EGFR: variants seen among roughly 807,000 people sequenced by gnomAD.
EGFR encodes epidermal growth factor receptor.
A neutral mutation model predicts 143.0 loss-of-function variants in EGFR; 58 were observed. The observed-to-expected ratio is 0.41, with a 90% CI of 0.33 to 0.50. The LOEUF (loss-of-function observed/expected upper bound fraction) is 0.50, where lower values mean the gene tolerates loss of function less well. Ranked by LOEUF, EGFR falls within the 20% of genes least tolerant of loss-of-function variation. The pLI is 0.39. For missense variants in EGFR, 1,307 were observed against 1,579.0 expected (o/e 0.83, Z 2.92); for synonymous variants, 613 against 594.4 (o/e 1.03, Z -0.45).
chr7:55,112,179 G>T (rs527872819), intron 1 of EGFR, among the ~76,000 whole-genome samples: 6 of 152,376 alleles, frequency 3.9e-5, no homozygotes, highest in African/African-American at 1.4e-4. Context: ...CAGTTCTGCA[G>T]TCGGCGTCTC....
Position 55,174,833 on chromosome 7 carries a change from TTTGCTGTGTGGGGGTCCATGGC to T in EGFR, c.2283+15_2283+36del, listed in dbSNP as rs746071596. On this transcript the variant is annotated intron_variant, in intron 19 of 27. Coordinates refer to ENST00000275493, the MANE Select transcript of EGFR (RefSeq NM_005228.5). ...GGAAATCCTCGATGTGAGTTTCTGC[TTTGCTGTGTGGGGGTCCATGGC>T]TCTGAACCTCAGGCCCACCTTTTCT... is the stretch of plus-strand genomic sequence containing the variant. 4.7e-5 allele frequency: 75 copies of T among 1,610,834 alleles called. No individual in the cohort carries two copies. Among genetic ancestry groups the T allele is most frequent in the Non-Finnish European group, 6.3e-5 (74 of 1,177,146 alleles).
intron 1 of EGFR, among the ~76,000 whole-genome samples, chr7:55,109,477 A>G (rs534674575): frequency 3.3e-5 from 5 of 152,372 alleles, no homozygotes; most frequent in African/African-American, 9.6e-5. Flanking sequence ...GACCTGCTAC[A>G]AAGCACAAAG....
At chr7:55,077,888 G>A (rs916293924) in intron 1 of EGFR, among the ~76,000 whole-genome samples, 3 of 152,184 alleles carry the variant, frequency 2.0e-5, no homozygotes, top group Admixed American at 6.5e-5. Context: ...CCCTGAGCAG[G>A]AACTGGAGGC....
At chr7:55,157,523 G>A in intron 10 of EGFR, 140 bp from the exon 11 acceptor site, 1 of 765,410 alleles carries the variant, frequency 1.3e-6, no homozygotes, top group Non-Finnish European at 2.3e-6. Flanking sequence ...CAGAGAAGAT[G>A]ATAATGAAAA....
chr7:55,062,548 G>GA (rs1789248995), intron 1 of EGFR, among the ~76,000 whole-genome samples: 2 of 152,116 alleles, frequency 1.3e-5, no homozygotes, highest in Non-Finnish European at 2.9e-5. Flanking sequence ...CATCTGCATG[G>GA]AAAAATGTGC....
At chr7:55,019,415 G>T in intron 1 of EGFR, 50 bp downstream of exon 1, 3 of 1,256,786 alleles carry the variant, frequency 2.4e-6, no homozygotes, top group South Asian at 1.9e-5. Flanking sequence ...TCGCGCCCCG[G>T]ACCCCGCAGC....
At chr7:55,045,767 G>T (rs1788148129) in intron 1 of EGFR, among the ~76,000 whole-genome samples, 1 of 152,180 alleles carries the variant, frequency 6.6e-6, no homozygotes, top group Non-Finnish European at 1.5e-5. Flanking sequence ...CTATTTTATT[G>T]CTGCAGCTGT....
chr7:55,202,453 T>G (rs1787890690), intron 26 of EGFR, 64 bp from the exon 27 acceptor site: 1 of 1,401,284 alleles, frequency 7.1e-7, no homozygotes, highest in Admixed American at 2.0e-5. Flanking sequence ...CTCGGGTGAT[T>G]TTTGCAAACA....
chr7:55,067,261 C>CAAAAGAACAGTTGTTTT (rs1562685482), intron 1 of EGFR, among the ~76,000 whole-genome samples: 1 of 151,804 alleles, frequency 6.6e-6, no homozygotes, highest in African/African-American at 2.4e-5. Flanking sequence ...AAAGTGCTGT[C>CAAAAGAACAGTTGTTTT]GTCTCCTGCA....
At chr7:55,200,219 G>A in intron 23 of EGFR, 97 bp from the exon 24 acceptor site, 1 of 1,152,538 alleles carries the variant, frequency 8.7e-7, no homozygotes, top group East Asian at 2.3e-5. Context: ...TTATTTGACT[G>A]GAAGTGTCGC....
chr7:55,053,809 C>T (rs1788630169), intron 1 of EGFR, among the ~76,000 whole-genome samples: 1 of 152,220 alleles, frequency 6.6e-6, no homozygotes. Flanking sequence ...CGATTCCCAG[C>T]CATTCCTTTC....
At chr7:55,091,493 G>A (rs1381967678) in intron 1 of EGFR, among the ~76,000 whole-genome samples, 1 of 152,104 alleles carries the variant, frequency 6.6e-6, no homozygotes, top group African/African-American at 2.4e-5. Flanking sequence ...TTGGGGGTGG[G>A]GCCTGCAGTT....
intron 15 of EGFR, chr7:55,170,846 G>A: frequency 2.1e-6 from 3 of 1,412,072 alleles, no homozygotes; most frequent in Non-Finnish European, 2.8e-6. Flanking sequence ...CTGCCCCTCT[G>A]TTTGAAATTC....
chr7:55,177,031 A>C (rs1370111886), intron 19 of EGFR, among the ~76,000 whole-genome samples: 1 of 151,688 alleles, frequency 6.6e-6, no homozygotes, highest in African/African-American at 2.4e-5. Flanking sequence ...CTGTCTCCTC[A>C]TCCCCTCTTC....
At chr7:55,033,210 AG>A (rs1787363916) in intron 1 of EGFR, among the ~76,000 whole-genome samples, 1 of 152,346 alleles carries the variant, frequency 6.6e-6, no homozygotes, top group South Asian at 2.1e-4. Context: ...ATTCTCTGTA[AG>A]TAGAAAAAGC....
At position 55,095,323 on chromosome 7, in the gene EGFR, C is replaced by G. The variant is rs138338426; in HGVS notation, c.89-46963C>G. 3.8e-3 allele frequency among the ~76,000 whole-genome samples: 582 copies of G among 152,338 alleles called. 4 individuals carry two copies. The highest frequency in any genetic ancestry group is 0.012 in the South Asian group (57 of 4,830). ...TCTGTACAGTGGGGAAGATACTGGA[C>G]TGTTGTGAGGATTAAGTGAGGAGAG... On this transcript the variant is annotated intron_variant, in intron 1 of 27. Transcript: ENST00000275493.
At chr7:55,029,457 T>C (rs1787128038) in intron 1 of EGFR, among the ~76,000 whole-genome samples, 1 of 152,194 alleles carries the variant, frequency 6.6e-6, no homozygotes, top group Non-Finnish European at 1.5e-5. Context: ...CCTCGCTCCT[T>C]CTTTTTTACA....
intron 1 of EGFR, among the ~76,000 whole-genome samples, chr7:55,073,426 G>C (rs573221639): frequency 6.6e-6 from 1 of 152,288 alleles, no homozygotes; most frequent in East Asian, 1.9e-4. Flanking sequence ...TGCTGGAAAG[G>C]CTTCTGCAGG....
At chr7:55,065,830 C>CTTTTTTTT (rs35171442) in intron 1 of EGFR, among the ~76,000 whole-genome samples, 5 of 120,478 alleles carry the variant, frequency 4.2e-5, no homozygotes, top group Non-Finnish European at 5.1e-5. Context: ...GACTAAGTGG[C>CTTTTTTTT]TTTTTTTTTT....
Sources: gnomAD v4.1 joint callset for allele counts (sites outside exome capture counted in the v4.1 genomes callset) on GRCh38, gnomAD v4.1.1 for gene constraint, MANE v1.5 for transcripts, NCBI Gene and HGNC (gene_info 2026-07-23, HGNC 2026-07-21) for gene names.